Variants in RGS5 observed in about 807,000 individuals in gnomAD.
RGS5 encodes regulator of G protein signaling 5, also known as regulator of G-protein signalling 5.
Under a neutral mutation model 18.9 loss-of-function variants are expected in RGS5, and 20 were observed. That is an observed-to-expected ratio of 1.06 (90% CI 0.74 to 1.54). The LOEUF is 1.54. RGS5 is among the 40% of genes most tolerant of loss of function. The probability of loss-of-function intolerance (pLI) is 0.00; values close to 1 mark genes in which losing one functional copy is unlikely to be tolerated. For synonymous variants in RGS5, 57 were observed against 76.2 expected, an observed-to-expected ratio of 0.75 and a Z score of 1.31; for missense variants, 201 against 211.8, an observed-to-expected ratio of 0.95 and a Z score of 0.32.
intron 1 of RGS5, among the ~76,000 whole-genome samples, chr1:163,197,867 G>C (rs1298992334): frequency 1.3e-5 from 2 of 152,094 alleles, no homozygotes; most frequent in Non-Finnish European, 2.9e-5. Flanking sequence ...CATTCCAATT[G>C]AGCTATCAGT....
intron 2 of RGS5, among the ~76,000 whole-genome samples, chr1:163,281,974 C>T (rs138914766): frequency 6.6e-6 from 1 of 151,880 alleles, no homozygotes; most frequent in Non-Finnish European, 1.5e-5. Context: ...TAGAAGAAAA[C>T]AAAAGGAAAA....
chr1:163,203,874 CG>C (rs1305973474), upstream of RGS5, among the ~76,000 whole-genome samples: 1 of 141,634 alleles, frequency 7.1e-6, no homozygotes, highest in Non-Finnish European at 1.5e-5. Context: ...CTTATCTTGT[CG>C]GGGCCCAAGG....
intron 2 of RGS5, among the ~76,000 whole-genome samples, chr1:163,241,650 T>C (rs1352429704): frequency 6.7e-6 from 1 of 148,726 alleles, no homozygotes; most frequent in Non-Finnish European, 1.5e-5. Flanking sequence ...GCTGATCCAA[T>C]TCATTCTTTA....
chr1:163,229,226 G>T (rs1052483145), intron 2 of RGS5, among the ~76,000 whole-genome samples: 2 of 152,192 alleles, frequency 1.3e-5, no homozygotes, highest in African/African-American at 4.8e-5. Context: ...CGCTGGGGAG[G>T]CCTCAGGAAA....
chr1:163,321,163 G>A (rs1571364775), intron 1 of RGS5: 1 of 152,186 alleles, frequency 6.6e-6, no homozygotes, highest in Non-Finnish European at 1.5e-5. Context: ...AACTCACTCA[G>A]GAATGTGCAA....
chr1:163,209,636 A>G (rs1337488435), intron 1 of RGS5, among the ~76,000 whole-genome samples: 1 of 152,040 alleles, frequency 6.6e-6, no homozygotes, highest in Non-Finnish European at 1.5e-5. Flanking sequence ...CTTTGCTTCT[A>G]TTATAAATGG....
At chr1:163,254,517 G>C (rs1456605297) in intron 2 of RGS5, among the ~76,000 whole-genome samples, 1 of 151,716 alleles carries the variant, frequency 6.6e-6, no homozygotes, top group Non-Finnish European at 1.5e-5. Flanking sequence ...TTGTAAATTT[G>C]TTGGAGTTCA....
At chr1:163,171,693 A>G (rs1248274839) in intron 1 of RGS5, among the ~76,000 whole-genome samples, 1 of 152,232 alleles carries the variant, frequency 6.6e-6, no homozygotes, top group Non-Finnish European at 1.5e-5. Context: ...TAATTAGAAC[A>G]AAGAAATCGA....
rs189233124 is a variant in RGS5, at chr1:163,146,462, C to A, written c.*880G>T. 4.2e-4 allele frequency: 64 copies of A among 152,236 alleles called. No homozygotes were observed. The highest frequency in any genetic ancestry group is 4.2e-3 in the Admixed American group (64 of 15,278). 9.4% of individuals were successfully genotyped at this position (152,236 alleles called of 1,614,324 possible). The stretch of plus-strand genomic sequence containing the variant: ...ATCTTGATATTTAGGTGGGAGACTA[C>A]TCCAATGGAGCAACAGTTTCATTTT... On this transcript the variant is annotated 3_prime_UTR_variant, in exon 5 of 5. Coordinates refer to ENST00000313961, the MANE Select transcript of RGS5 (RefSeq NM_003617.4).
chr1:163,316,234 T>C (rs188970969), intron 1 of RGS5, among the ~76,000 whole-genome samples: 3 of 152,340 alleles, frequency 2.0e-5, no homozygotes, highest in Admixed American at 2.0e-4. Context: ...GCTAGAAATG[T>C]TGGCTGATAG....
chr1:163,165,892 C>T (rs763679878), intron 2 of RGS5, among the ~76,000 whole-genome samples: 1 of 134,884 alleles, frequency 7.4e-6, no homozygotes, highest in Non-Finnish European at 1.6e-5. Context: ...GGCAAAAGAG[C>T]GAAATTCCGT....
At chr1:163,149,364 T>C (rs1167806829) in intron 4 of RGS5, among the ~76,000 whole-genome samples, 2 of 152,192 alleles carry the variant, frequency 1.3e-5, no homozygotes, top group African/African-American at 4.8e-5. Context: ...TAAGTATATA[T>C]CTGTACTGAG....
intron 1 of RGS5, among the ~76,000 whole-genome samples, chr1:163,185,527 C>G (rs758612619): frequency 2.0e-5 from 3 of 152,116 alleles, no homozygotes; most frequent in Non-Finnish European, 4.4e-5. Context: ...ATCTGTGATC[C>G]TCCCTTCTCT....
intron 1 of RGS5, among the ~76,000 whole-genome samples, chr1:163,170,854 T>C (rs1342679025): frequency 6.6e-6 from 1 of 152,178 alleles, no homozygotes; most frequent in African/African-American, 2.4e-5. Flanking sequence ...TATATAACAT[T>C]GTGAATTAGA....
chr1:163,312,557 C>G (rs867890626), intron 1 of RGS5, among the ~76,000 whole-genome samples: 7 of 152,096 alleles, frequency 4.6e-5, no homozygotes, highest in Admixed American at 3.9e-4. Context: ...TAGAAGTAAG[C>G]TACTGAAAAC....
intron 1 of RGS5, chr1:163,212,680 C>T (rs1300085456): frequency 6.6e-6 from 1 of 152,210 alleles, no homozygotes; most frequent in East Asian, 1.9e-4. Context: ...GCATGTAAGT[C>T]AAGGGGACAG....
chr1:163,188,644 G>A (rs1659197251), intron 1 of RGS5, among the ~76,000 whole-genome samples: 1 of 152,142 alleles, frequency 6.6e-6, no homozygotes, highest in Admixed American at 6.5e-5. Flanking sequence ...CCTGAGGGAA[G>A]AGGCAACCTG....
intron 1 of RGS5, among the ~76,000 whole-genome samples, chr1:163,169,026 C>T (rs1658182452): frequency 6.9e-6 from 1 of 144,650 alleles, no homozygotes; most frequent in South Asian, 2.4e-4. Flanking sequence ...CCCTACCCCA[C>T]AACAGTCCCT....
At chr1:163,194,463 C>G (rs1401448907) in intron 1 of RGS5, among the ~76,000 whole-genome samples, 1 of 152,104 alleles carries the variant, frequency 6.6e-6, no homozygotes, top group Non-Finnish European at 1.5e-5. Flanking sequence ...AGGAGTATAA[C>G]AGACCATATA....
Sources: allele counts gnomAD v4.1 joint callset (sites outside exome capture counted in the v4.1 genomes callset), GRCh38; gene constraint gnomAD v4.1.1; transcripts MANE v1.5; gene names NCBI Gene and HGNC (gene_info 2026-07-23, HGNC 2026-07-21).